INTS3: variants seen among roughly 807,000 people sequenced by gnomAD.
INTS3 encodes integrator complex subunit 3.
INTS3 carries 34 observed loss-of-function variants against 146.3 expected under a neutral mutation model. The ratio of observed to expected loss-of-function variants is 0.23; its 90% CI spans 0.18 to 0.31. The LOEUF is 0.31. INTS3 is among the 10% of genes least tolerant of loss of function. The pLI is 1.00. For synonymous variants in INTS3, 475 were observed against 494.9 expected (o/e 0.96, Z 0.53); for missense variants, 757 against 1,304.2 (o/e 0.58, Z 6.46).
intron 18 of INTS3, 103 bp downstream of exon 18, chr1:153,764,324 C>A: frequency 1.3e-6 from 1 of 769,866 alleles, no homozygotes; most frequent in South Asian, 1.5e-5. Flanking sequence ...AAAATCTGTT[C>A]ACTTGGTGTT....
chr1:153,731,586 T>C (rs1211522454), intron 1 of INTS3, among the ~76,000 whole-genome samples: 1 of 143,900 alleles, frequency 6.9e-6, no homozygotes, highest in African/African-American at 2.6e-5. Context: ...CCTCTTTTTT[T>C]TTTTTTTTTT....
intron 3 of INTS3, among the ~76,000 whole-genome samples, chr1:153,744,864 C>G (rs1009182337): frequency 1.3e-5 from 2 of 152,046 alleles, no homozygotes; most frequent in African/African-American, 4.8e-5. Context: ...TCCCAGCAGC[C>G]TCTTCTGGTT....
chr1:153,751,293 C>T, intron 7 of INTS3, 54 bp downstream of exon 7: 1 of 1,581,526 alleles, frequency 6.3e-7, no homozygotes, highest in Non-Finnish European at 8.7e-7. Flanking sequence ...GCTAAGATAC[C>T]TCTGGAGGTT....
chr1:153,769,109 A>G, intron 22 of INTS3, 148 bp downstream of exon 22: 3 of 669,286 alleles, frequency 4.5e-6, no homozygotes, highest in Admixed American at 5.3e-5. Context: ...GCTTTCAGCC[A>G]TGGGGCCTGG....
rs1382567916 is a variant in INTS3 at position 153,772,751 on chromosome 1, G to A, written c.2894+40G>A. 1.9e-6 allele frequency: 3 copies of A among 1,607,384 alleles called. No individual in the cohort carries two copies. The highest frequency in any genetic ancestry group is 2.5e-6 in the Non-Finnish European group (3 of 1,176,598). ...ACTTTGGGCCTTGGAAAGTAGTAGG[G>A]GAAAAGCCTAAGGGAGAGGAAGCCT... On this transcript the variant is annotated intron_variant, in intron 28 of 29. Coordinates refer to ENST00000318967, the MANE Select transcript of INTS3 (RefSeq NM_023015.5). The surrounding 1 kb of genome is among the most constrained non-coding windows in gnomAD (Gnocchi z 4.6).
At chr1:153,733,692 C>A (rs1671177005) in intron 1 of INTS3, among the ~76,000 whole-genome samples, 1 of 151,810 alleles carries the variant, frequency 6.6e-6, no homozygotes, top group South Asian at 2.1e-4. Flanking sequence ...GCAACCTTCG[C>A]CTCCCGGGTT....
At chr1:153,761,844 T>C (rs565103195) in intron 14 of INTS3, among the ~76,000 whole-genome samples, 168 bp downstream of exon 14, 1 of 152,354 alleles carries the variant, frequency 6.6e-6, no homozygotes, top group South Asian at 2.1e-4. Context: ...TTTTGTGTTG[T>C]CTGTCTTGAT....
intron 8 of INTS3, among the ~76,000 whole-genome samples, chr1:153,753,534 C>T (rs868435787): frequency 1.7e-4 from 26 of 150,356 alleles, no homozygotes; most frequent in South Asian, 2.1e-4. Flanking sequence ...TCCAGCCTGG[C>T]GACAGAGTGA....
chr1:153,772,825 G>A lies in INTS3; in HGVS notation c.2895-100G>A. On this transcript the variant is annotated intron_variant, in intron 28 of 29. Transcript: ENST00000318967. The surrounding 1 kb of genome is among the most constrained non-coding windows in gnomAD (Gnocchi z 4.6). ...CAGCAAGACCTTAGGGTCCAGGGTT[G>A]AAGAAAAAGAAGGCCTAGGCCTGGG... is the stretch of plus-strand genomic sequence containing the variant. 1 of 1,583,284 alleles carries A rather than the reference G, an allele frequency of 6.3e-7. No homozygotes were observed. The highest frequency in any genetic ancestry group is 8.6e-7 in the Non-Finnish European group (1 of 1,161,220).
chr1:153,761,110 G>A, intron 13 of INTS3, 192 bp downstream of exon 13: 1 of 1,410,874 alleles, frequency 7.1e-7, no homozygotes, highest in Non-Finnish European at 9.3e-7. Flanking sequence ...TATTACAAAG[G>A]TCTTCAAATG....
intron 1 of INTS3, among the ~76,000 whole-genome samples, chr1:153,729,808 C>T (rs1474171945): frequency 6.8e-6 from 1 of 146,678 alleles, no homozygotes. Context: ...GAAGTTGCAG[C>T]GAGCCAAGAT....
At position 153,765,075 on chromosome 1, in the gene INTS3, C is replaced by G. The variant is rs202198432; in HGVS notation, c.2090+12C>G. The G allele has an allele frequency of 1.2e-6, 2 of 1,613,966 alleles. No individual in the cohort carries two copies. The highest frequency in any genetic ancestry group is 1.7e-4 in the Middle Eastern group (1 of 6,058). On this transcript the variant is annotated intron_variant, in intron 20 of 29. Coordinates refer to ENST00000318967, the MANE Select transcript of INTS3 (RefSeq NM_023015.5). ...TACCTGAGGGCCAGGTGGGTATGGT[C>G]CCCATGTTTCAAATGGTGTCAGGAC...
rs781514847 is a variant in INTS3, at chr1:153,751,196, G to A, written c.686G>A (p.Arg229Gln). 13 of 1,614,062 alleles carry A rather than the reference G, an allele frequency of 8.1e-6. No homozygotes were observed. The highest frequency in any genetic ancestry group is 7.7e-5 in the South Asian group (7 of 91,090). ...GGGACTGCCCAGCTCCAGGCCCTGC[G>A]ACAGAAGGAAGTAGACTTCTGCATC... Reference protein sequence around the residue: ...HHGTAQLQALRQKEVDFCISL... With the variant: ...HHGTAQLQALQQKEVDFCISL... Residue 229 changes from arginine (R) to glutamine (Q), a missense_variant, in exon 7 of 30, where the codon CGA (arginine) becomes CAA (glutamine). Transcript: ENST00000318967.
In INTS3 at chr1:153,771,844, T is replaced by G; in HGVS notation, c.2601T>G (p.Pro867=). 1 of 1,614,052 alleles carries G rather than the reference T, an allele frequency of 6.2e-7. No homozygotes were observed. The highest frequency in any genetic ancestry group is 8.5e-7 in the Non-Finnish European group (1 of 1,180,002). The change falls in exon 26 of 30, where the codon CCT becomes CCG. Residue 867 remains proline, a synonymous_variant. Coordinates refer to ENST00000318967, the MANE Select transcript of INTS3 (RefSeq NM_023015.5). ...TGGTGCTGAGCCGGCCCTGCCATCCTGACGACCAGTTCACCACCAGCATCC... is the reference window on the plus strand; with the variant it reads ...TGGTGCTGAGCCGGCCCTGCCATCCGGACGACCAGTTCACCACCAGCATCC... ...VKMVLSRPCH[P]DDQFTTSILR...
intron 1 of INTS3, among the ~76,000 whole-genome samples, chr1:153,734,959 T>C (rs1172911522): frequency 3.3e-5 from 5 of 152,018 alleles, no homozygotes; most frequent in African/African-American, 1.2e-4. Flanking sequence ...TTCCCGCAAA[T>C]TGAATAGTTT....
At position 153,770,310 on chromosome 1, in the gene INTS3, G is replaced by A; in HGVS notation, c.2502G>A (p.Lys834=). 1.3e-6 allele frequency: 2 copies of A among 1,573,580 alleles called. No homozygotes were observed. Among genetic ancestry groups the A allele is most frequent in the Non-Finnish European group, 8.7e-7 (1 of 1,143,098 alleles). Residue 834 remains lysine (K), a splice_region_variant and synonymous_variant, in exon 24 of 30, where the codon AAG becomes AAA. Coordinates refer to ENST00000318967, the MANE Select transcript of INTS3 (RefSeq NM_023015.5). ...CCATCCTGCAGCACCTCAAATACAA[G>A]GGTGAGTAGGCTTTTGGGTAGGGAG... The part of the protein sequence containing the change: ...IIPILQHLKY[K]EHPEALSCLL...
intron 25 of INTS3, among the ~76,000 whole-genome samples, chr1:153,771,218 C>T (rs1258960679): frequency 1.3e-5 from 2 of 152,176 alleles, no homozygotes; most frequent in African/African-American, 2.4e-5. Context: ...CCCCTCTTCC[C>T]GCAAAGCCCT....
In INTS3 at chr1:153,774,164, A is replaced by G. The variant is rs941700249; in HGVS notation, c.*894A>G. 60 of 152,400 alleles carry G rather than the reference A, an allele frequency of 3.9e-4. No homozygotes were observed. The highest frequency in any genetic ancestry group is 1.9e-4 in the Non-Finnish European group (13 of 68,058). The allele number at this position is 152,400 out of a possible 1,614,324, so 9.4% of individuals were successfully genotyped here. A position where few individuals can be genotyped will look rare whatever the true frequency, so the allele number is the denominator to read the frequency against. ...GATTGGCACCCCTACTTGTAACCGCAGAACATCCCCCTTTCCCTTCCTGTT... is the reference window on the plus strand; with the variant it reads ...GATTGGCACCCCTACTTGTAACCGCGGAACATCCCCCTTTCCCTTCCTGTT... On this transcript the variant is annotated 3_prime_UTR_variant, in exon 30 of 30. Coordinates refer to ENST00000318967, the MANE Select transcript of INTS3 (RefSeq NM_023015.5).
At chr1:153,768,832 G>A in intron 21 of INTS3, 61 bp from the exon 22 acceptor site, 1 of 1,285,546 alleles carries the variant, frequency 7.8e-7, no homozygotes, top group Non-Finnish European at 1.1e-6. Flanking sequence ...AAGGAGAGTG[G>A]GCTATGGGAT....
Sources: gnomAD v4.1 joint callset for allele counts (sites outside exome capture counted in the v4.1 genomes callset) on GRCh38, gnomAD v4.1.1 for gene constraint, Gnocchi (gnomAD v3.1) non-coding constraint, MANE v1.5 for transcripts, NCBI Gene and HGNC (gene_info 2026-07-23, HGNC 2026-07-21) for gene names.